The following FMNL2 variants were observed in gnomAD, a reference collection of about 807,000 sequenced individuals.
FMNL2 encodes the protein formin like 2.
FMNL2 carries 51 observed loss-of-function variants against 130.2 expected under a neutral mutation model. The ratio of observed to expected loss-of-function variants is 0.39; its 90% confidence interval spans 0.31 to 0.49. The LOEUF is 0.49. FMNL2 is among the 20% of genes least tolerant of loss of function. FMNL2 has a pLI of 0.85. For missense variants in FMNL2, 977 were observed against 1,316.2 expected, an observed-to-expected ratio of 0.74 and a Z score of 3.99; for synonymous variants, 465 against 467.1, an observed-to-expected ratio of 1.00 and a Z score of 0.06.
At chr2:152,569,153 A>C (rs889448474) in intron 6 of FMNL2, among the ~76,000 whole-genome samples, 1 of 146,484 alleles carries the variant, frequency 6.8e-6, no homozygotes, top group African/African-American at 2.5e-5. Context: ...TAGTGGTTTA[A>C]AGACAGCAAA....
chr2:152,547,475 G>T (rs996935572), intron 3 of FMNL2, among the ~76,000 whole-genome samples: 1 of 152,176 alleles, frequency 6.6e-6, no homozygotes, highest in African/African-American at 2.4e-5. Context: ...TTTTTAGATT[G>T]TCTTGGGAAT....
At chr2:152,632,246 C>T in intron 21 of FMNL2, 109 bp downstream of exon 21, 2 of 1,442,008 alleles carry the variant, frequency 1.4e-6, no homozygotes, top group Non-Finnish European at 1.9e-6. Context: ...AAAGCCAAGG[C>T]TAAGAAGTCA....
intron 4 of FMNL2, among the ~76,000 whole-genome samples, chr2:152,551,445 A>G (rs971431689): frequency 2.6e-5 from 4 of 152,232 alleles, no homozygotes; most frequent in Non-Finnish European, 5.9e-5. Flanking sequence ...ATGGAGATGC[A>G]TTGTCTGATT....
chr2:152,387,302 C>T (rs1185214473), intron 1 of FMNL2, among the ~76,000 whole-genome samples: 2 of 152,176 alleles, frequency 1.3e-5, no homozygotes, highest in East Asian at 3.8e-4. Context: ...CCTGTTTCCA[C>T]AGTAGACAGA....
At chr2:152,485,565 T>C (rs560950845) in intron 1 of FMNL2, among the ~76,000 whole-genome samples, 5 of 152,334 alleles carry the variant, frequency 3.3e-5, no homozygotes, top group Non-Finnish European at 7.3e-5. Flanking sequence ...TAGATAGATA[T>C]AGTTTTCAAC....
chr2:152,645,526 T>G, intron 25 of FMNL2: 1 of 1,289,318 alleles, frequency 7.8e-7, no homozygotes, highest in Non-Finnish European at 1.0e-6. Flanking sequence ...TACACAGAGC[T>G]GGCAAGCATC....
At chr2:152,402,119 G>A (rs1452240944) in intron 1 of FMNL2, among the ~76,000 whole-genome samples, 1 of 152,042 alleles carries the variant, frequency 6.6e-6, no homozygotes, top group East Asian at 1.9e-4. Flanking sequence ...AGCCAGGATG[G>A]TCTCGATCTC....
At chr2:152,454,274 C>G (rs1266165435) in intron 1 of FMNL2, among the ~76,000 whole-genome samples, 1 of 151,996 alleles carries the variant, frequency 6.6e-6, no homozygotes, top group Non-Finnish European at 1.5e-5. Context: ...AAGACTCTGT[C>G]TCAAATAAAG....
chr2:152,371,668 CAAAAAAAAA>C (rs71394476), intron 1 of FMNL2, among the ~76,000 whole-genome samples: 1 of 66,232 alleles, frequency 1.5e-5, no homozygotes, highest in Non-Finnish European at 3.0e-5. Context: ...GACTCTGTCT[CAAAAAAAAA>C]AAAAAAAAAA....
At chr2:152,486,153 A>G (rs558553494) in intron 1 of FMNL2, among the ~76,000 whole-genome samples, 1 of 152,278 alleles carries the variant, frequency 6.6e-6, no homozygotes, top group East Asian at 1.9e-4. Context: ...CTGTGTCAGG[A>G]TATTCTTGTC....
intron 1 of FMNL2, among the ~76,000 whole-genome samples, chr2:152,455,929 G>T (rs1316072653): frequency 6.6e-6 from 1 of 152,128 alleles, no homozygotes; most frequent in Non-Finnish European, 1.5e-5. Flanking sequence ...TGCCCAGTGT[G>T]GTCTTTTAAC....
intron 25 of FMNL2, among the ~76,000 whole-genome samples, chr2:152,646,157 CAA>C (rs3080636): frequency 8.6e-6 from 1 of 116,878 alleles, no homozygotes; most frequent in Admixed American, 8.9e-5. Context: ...CCCATCTCTA[CAA>C]AAAAAAAAAA....
intron 1 of FMNL2, among the ~76,000 whole-genome samples, chr2:152,386,871 A>AACC (rs1173103686): frequency 6.6e-6 from 1 of 152,134 alleles, no homozygotes; most frequent in Non-Finnish European, 1.5e-5. Flanking sequence ...AATGGTTTTA[A>AACC]TTTATCTCAA....
At chr2:152,425,660 G>C (rs1475025933) in intron 1 of FMNL2, among the ~76,000 whole-genome samples, 2 of 152,266 alleles carry the variant, frequency 1.3e-5, no homozygotes, top group African/African-American at 2.4e-5. Flanking sequence ...TTCTACAGTC[G>C]TGTTTATACC....
intron 1 of FMNL2, among the ~76,000 whole-genome samples, chr2:152,369,626 A>C (rs1427666975): frequency 6.6e-6 from 1 of 152,228 alleles, no homozygotes; most frequent in Non-Finnish European, 1.5e-5. Context: ...CCACTGACAC[A>C]TGCAACTTAG....
At chr2:152,375,139 T>A (rs1288849946) in intron 1 of FMNL2, among the ~76,000 whole-genome samples, 2 of 152,242 alleles carry the variant, frequency 1.3e-5, no homozygotes, top group Non-Finnish European at 2.9e-5. Flanking sequence ...GAGGATTGAG[T>A]TTACTTTTAG....
At chr2:152,631,659 T>G (rs762528878) in intron 20 of FMNL2, among the ~76,000 whole-genome samples, 1 of 152,182 alleles carries the variant, frequency 6.6e-6, no homozygotes, top group Non-Finnish European at 1.5e-5. Flanking sequence ...AATTTTCCAC[T>G]TAGTATTTTT....
intron 2 of FMNL2, among the ~76,000 whole-genome samples, chr2:152,526,842 G>C: frequency 6.6e-6 from 1 of 151,760 alleles, no homozygotes; most frequent in African/African-American, 2.4e-5. Flanking sequence ...AAAAAAATCG[G>C]TATGCACCTT....
chr2:152,484,820 G>A (rs1246776051), intron 1 of FMNL2, among the ~76,000 whole-genome samples: 3 of 152,266 alleles, frequency 2.0e-5, no homozygotes, highest in Non-Finnish European at 4.4e-5. Context: ...TGTAAACAGT[G>A]ATACAGAAGA....
Sources: gnomAD v4.1 joint callset for allele counts (sites outside exome capture counted in the v4.1 genomes callset) on GRCh38, gnomAD v4.1.1 for gene constraint, MANE v1.5 for transcripts, NCBI Gene and HGNC (gene_info 2026-07-23, HGNC 2026-07-21) for gene names.